CNOT10: variants seen among roughly 807,000 people sequenced by gnomAD.
CNOT10 encodes the protein CCR4-NOT transcription complex, subunit 10.
A neutral mutation model predicts 94.6 loss-of-function variants in CNOT10; 30 were observed. That is an observed-to-expected ratio of 0.32 (90% CI 0.24 to 0.43). The LOEUF is 0.43. Ranked by LOEUF, CNOT10 falls within the 20% of genes least tolerant of loss-of-function variation. CNOT10 has a pLI of 1.00. For synonymous variants in CNOT10, 289 were observed against 301.6 expected, an observed-to-expected ratio of 0.96 and a Z score of 0.43; for missense variants, 759 against 877.2, an observed-to-expected ratio of 0.87 and a Z score of 1.70.
At chr3:32,737,851 A>C (rs976954829) in intron 13 of CNOT10, among the ~76,000 whole-genome samples, 1 of 152,140 alleles carries the variant, frequency 6.6e-6, no homozygotes, top group African/African-American at 2.4e-5. Flanking sequence ...GATACTGTTA[A>C]TATGATGAAT....
intron 1 of CNOT10, among the ~76,000 whole-genome samples, chr3:32,686,762 T>G (rs1696619655): frequency 6.6e-6 from 1 of 152,228 alleles, no homozygotes; most frequent in African/African-American, 2.4e-5. Flanking sequence ...TCCCCACATT[T>G]ACCATTCCTA....
chr3:32,769,789 C>A, intron 17 of CNOT10, 98 bp from the exon 18 acceptor site: 1 of 930,138 alleles, frequency 1.1e-6, no homozygotes, highest in Non-Finnish European at 1.8e-6. Flanking sequence ...TGGGAATGAG[C>A]TTGAATAAGT....
chr3:32,703,350 G>C (rs938761108), intron 1 of CNOT10, among the ~76,000 whole-genome samples: 3 of 152,098 alleles, frequency 2.0e-5, no homozygotes, highest in African/African-American at 7.2e-5. Context: ...GATACATTCA[G>C]GGTCCTCCGG....
At chr3:32,744,980 G>A (rs1234071099) in intron 13 of CNOT10, among the ~76,000 whole-genome samples, 1 of 152,180 alleles carries the variant, frequency 6.6e-6, no homozygotes, top group Non-Finnish European at 1.5e-5. Flanking sequence ...CTGGGTTCAA[G>A]TGATTCTCCT....
At position 32,748,485 on chromosome 3, in the gene CNOT10, A is replaced by G. The variant is rs139669852; in HGVS notation, c.1596-10973A>G. ...AATAACAATGATTGATCGCAATAGA[A>G]TAATGTATTTTTCTTCTGATATGTT... On this transcript the variant is annotated intron_variant, in intron 13 of 18. Coordinates refer to ENST00000328834, the MANE Select transcript of CNOT10 (RefSeq NM_015442.3). 7.0e-3 allele frequency among the ~76,000 whole-genome samples: 1,064 copies of G among 152,212 alleles called. 21 individuals are homozygous for G. Among genetic ancestry groups the G allele is most frequent in the African/African-American group, 0.024 (994 of 41,542 alleles).
Position 32,717,149 on chromosome 3 carries a change from G to T in CNOT10, c.661-5G>T. The T allele has an allele frequency of 1.3e-6, 2 of 1,558,380 alleles. No individual in the cohort carries two copies. Among genetic ancestry groups the T allele is most frequent in the South Asian group, 2.4e-5 (2 of 84,714 alleles). The stretch of plus-strand genomic sequence containing the variant: ...TTTAACATACTAACATTTTCCCTTT[G>T]ACAGTACAAAGTACGAGCTTATATC... On this transcript the variant is annotated splice_polypyrimidine_tract_variant and splice_region_variant and intron_variant, in intron 6 of 18. Transcript: ENST00000328834.
chr3:32,735,543 C>T (rs1271219270), intron 12 of CNOT10, among the ~76,000 whole-genome samples: 1 of 151,932 alleles, frequency 6.6e-6, no homozygotes, highest in Non-Finnish European at 1.5e-5. Flanking sequence ...CCCGTCTCTA[C>T]TAAAAATACA....
chr3:32,695,700 T>C, intron 1 of CNOT10: 1 of 1,536,090 alleles, frequency 6.5e-7, no homozygotes, highest in Non-Finnish European at 8.7e-7. Context: ...GTCAGCCATG[T>C]TCATTAGGCC....
rs191384540 is a variant in CNOT10, at chr3:32,763,578, A to G, written c.1840+715A>G. 5.2e-3 allele frequency among the ~76,000 whole-genome samples: 798 copies of G among 152,048 alleles called. 8 individuals are homozygous for G. The highest frequency in any genetic ancestry group is 8.7e-3 in the Non-Finnish European group (592 of 67,962). ...GACAGGAGAATCGCTTGCACCTGAGAGGTGGAGGTTGCAGTGAGCCAAGAT... is the reference window on the plus strand; with the variant it reads ...GACAGGAGAATCGCTTGCACCTGAGGGGTGGAGGTTGCAGTGAGCCAAGAT... On this transcript the variant is annotated intron_variant, in intron 15 of 18. Coordinates refer to ENST00000328834, the MANE Select transcript of CNOT10 (RefSeq NM_015442.3).
intron 10 of CNOT10, among the ~76,000 whole-genome samples, chr3:32,728,992 A>T (rs969273571): frequency 6.6e-6 from 1 of 152,092 alleles, no homozygotes; most frequent in Non-Finnish European, 1.5e-5. Flanking sequence ...GCTACTCGGG[A>T]GGGTGAGGCA....
intron 8 of CNOT10, among the ~76,000 whole-genome samples, chr3:32,721,735 C>G (rs1177998381): frequency 2.0e-5 from 3 of 151,240 alleles, no homozygotes; most frequent in South Asian, 2.1e-4. Flanking sequence ...CAAGCTCTGC[C>G]TCCTGGGTTC....
intron 10 of CNOT10, chr3:32,731,077 T>A (rs988886474): frequency 6.6e-6 from 1 of 152,246 alleles, no homozygotes; most frequent in Non-Finnish European, 1.5e-5. Context: ...AGAATATGGA[T>A]GAATCCATGT....
At chr3:32,745,185 C>T (rs1428722196) in intron 13 of CNOT10, among the ~76,000 whole-genome samples, 1 of 152,138 alleles carries the variant, frequency 6.6e-6, no homozygotes, top group Non-Finnish European at 1.5e-5. Flanking sequence ...AGCCTTCTCT[C>T]ATATACTTTA....
rs567331007 is a variant in CNOT10, at chr3:32,685,282, G to T, written c.-179G>T. 269 of 601,678 alleles carry T rather than the reference G, an allele frequency of 4.5e-4. 3 individuals carry two copies. Among genetic ancestry groups the T allele is most frequent in the South Asian group, 4.0e-3 (201 of 50,000 alleles). 37.3% of individuals were successfully genotyped at this position (601,678 alleles called of 1,614,324 possible). Reference sequence around the variant, plus strand: ...AAGCTGTTGCTGTTGCTAGACGACGGGAACTAGCTCTCGTCACTTCCTCAG... The same window carrying T: ...AAGCTGTTGCTGTTGCTAGACGACGTGAACTAGCTCTCGTCACTTCCTCAG... On this transcript the variant is annotated 5_prime_UTR_variant, in exon 1 of 19. Coordinates refer to ENST00000328834, the MANE Select transcript of CNOT10 (RefSeq NM_015442.3).
intron 4 of CNOT10, among the ~76,000 whole-genome samples, chr3:32,710,274 G>T (rs1697824097): frequency 6.7e-6 from 1 of 148,982 alleles, no homozygotes; most frequent in South Asian, 2.1e-4. Context: ...TTTCTTTTAT[G>T]GCTTTTTTTT....
chr3:32,738,675 G>A (rs991136573), intron 13 of CNOT10, among the ~76,000 whole-genome samples: 4 of 151,952 alleles, frequency 2.6e-5, no homozygotes, highest in Non-Finnish European at 5.9e-5. Flanking sequence ...TGTTAGCCAG[G>A]ATGGTCTCGA....
At chr3:32,733,317 T>G (rs922314946) in intron 10 of CNOT10, 106 bp from the exon 11 acceptor site, 31 of 903,238 alleles carry the variant, frequency 3.4e-5, no homozygotes, top group Admixed American at 2.0e-4. Context: ...TCATTGACTT[T>G]AAGAACTTTC....
At chr3:32,771,538 T>G (rs1700906702) in intron 18 of CNOT10, among the ~76,000 whole-genome samples, 1 of 151,718 alleles carries the variant, frequency 6.6e-6, no homozygotes, top group South Asian at 2.1e-4. Flanking sequence ...AGGTGGGAGG[T>G]TGCAGTGAGC....
At chr3:32,731,761 G>C (rs1019897094) in intron 10 of CNOT10, among the ~76,000 whole-genome samples, 3 of 152,122 alleles carry the variant, frequency 2.0e-5, no homozygotes, top group Non-Finnish European at 2.9e-5. Flanking sequence ...ACAGGTGTGA[G>C]CCACCTTGCC....
Sources: allele counts gnomAD v4.1 joint callset (sites outside exome capture counted in the v4.1 genomes callset), GRCh38; gene constraint gnomAD v4.1.1; transcripts MANE v1.5; gene names NCBI Gene and HGNC (gene_info 2026-07-23, HGNC 2026-07-21).